Variants in NUP160 observed in about 807,000 individuals in gnomAD.
NUP160 encodes the protein nucleoporin 160, also known as nuclear pore complex protein Nup160.
NUP160 carries 94 observed loss-of-function variants against 196.9 expected under a neutral mutation model. The observed-to-expected ratio is 0.48, with a 90% CI of 0.40 to 0.57. The LOEUF is 0.57. Among genes scored for constraint, NUP160 ranks in the 20% least tolerant of loss-of-function variants. NUP160 has a pLI of 0.00. For missense variants in NUP160, 1,638 were observed against 1,748.3 expected (o/e 0.94, Z 1.13); for synonymous variants, 605 against 619.7 (o/e 0.98, Z 0.35).
intron 7 of NUP160, among the ~76,000 whole-genome samples, chr11:47,828,702 A>T (rs989406161): frequency 5.3e-5 from 8 of 152,222 alleles, no homozygotes; most frequent in African/African-American, 1.9e-4. Flanking sequence ...ACAAAGCAAG[A>T]GTAATCAAGA....
chr11:47,782,583 T>C (rs2097662069), intron 34 of NUP160, among the ~76,000 whole-genome samples: 1 of 151,520 alleles, frequency 6.6e-6, no homozygotes, highest in Non-Finnish European at 1.5e-5. Context: ...GTTGAATATC[T>C]TGTGTAATTT....
chr11:47,824,052 T>TATATATATACAC (rs1391609379), intron 7 of NUP160, among the ~76,000 whole-genome samples: 4 of 93,798 alleles, frequency 4.3e-5, no homozygotes, highest in Non-Finnish European at 8.0e-5. Context: ...TATATATATA[T>TATATATATACAC]ACACACACAC....
intron 2 of NUP160, among the ~76,000 whole-genome samples, chr11:47,843,658 A>T (rs1852347938): frequency 6.6e-6 from 1 of 152,342 alleles, no homozygotes; most frequent in Non-Finnish European, 1.5e-5. Context: ...TGCTATTGCT[A>T]TGCAGAGGGT....
At chr11:47,794,180 C>T (rs138150619) in intron 27 of NUP160, among the ~76,000 whole-genome samples, 1 of 152,176 alleles carries the variant, frequency 6.6e-6, no homozygotes, top group Non-Finnish European at 1.5e-5. Context: ...GCACTTAACA[C>T]TCCCAAACTG....
At chr11:47,817,508 G>A (rs543468513) in intron 11 of NUP160, among the ~76,000 whole-genome samples, 3 of 151,988 alleles carry the variant, frequency 2.0e-5, no homozygotes, top group South Asian at 2.1e-4. Context: ...CACCACGCCC[G>A]GCTAATTTTT....
intron 23 of NUP160, among the ~76,000 whole-genome samples, chr11:47,800,215 C>A (rs2097673395): frequency 6.8e-6 from 1 of 147,880 alleles, no homozygotes; most frequent in Non-Finnish European, 1.5e-5. Flanking sequence ...GATCGCACTA[C>A]TGCACTGGGC....
chr11:47,839,105 T>A (rs1349674291), intron 4 of NUP160, among the ~76,000 whole-genome samples: 1 of 152,108 alleles, frequency 6.6e-6, no homozygotes, highest in Non-Finnish European at 1.5e-5. Context: ...GGGTTTTTCT[T>A]TTTGAGATGG....
intron 17 of NUP160, among the ~76,000 whole-genome samples, chr11:47,809,868 G>GT (rs2097680129): frequency 1.3e-5 from 2 of 150,824 alleles, no homozygotes; most frequent in Admixed American, 6.6e-5. Context: ...ATACTATGTA[G>GT]TTTATTTAAA....
chr11:47,837,384 C>G (rs1379990489), intron 5 of NUP160, among the ~76,000 whole-genome samples, 161 bp downstream of exon 5: 1 of 152,170 alleles, frequency 6.6e-6, no homozygotes, highest in Admixed American at 6.5e-5. Flanking sequence ...GAAAGGGACT[C>G]GGGAGTGTGG....
chr11:47,788,424 T>G, intron 30 of NUP160, 77 bp downstream of exon 30: 1 of 1,528,874 alleles, frequency 6.5e-7, no homozygotes, highest in Non-Finnish European at 9.0e-7. Flanking sequence ...CCATCTACCA[T>G]GCTACATACA....
rs2097662520 is a variant in NUP160 at position 47,783,196 on chromosome 11, C to G, written c.3993G>C (p.Lys1331Asn). Reference sequence around the variant, plus strand: ...AACGAAGCAATTCAGCAGCATCAACCTTCTGTGAAAAGTCAGTGATTAAGA... The same window carrying G: ...AACGAAGCAATTCAGCAGCATCAACGTTCTGTGAAAAGTCAGTGATTAAGA... The change falls in exon 34 of 36, where the codon AAG becomes AAC. Residue 1331 changes from lysine (K) to asparagine (N), a missense_variant and splice_region_variant. Around this residue, in one of 3 missense-constraint regions of NUP160, gnomAD observed 1,345 missense variants for 1,470.2 expected, o/e 0.91. Coordinates refer to ENST00000378460, the Ensembl canonical transcript of NUP160. The G allele has an allele frequency of 6.2e-7, 1 of 1,613,046 alleles. No homozygotes were observed. Among genetic ancestry groups the G allele is most frequent in the Non-Finnish European group, 8.5e-7 (1 of 1,179,620 alleles).
chr11:47,807,160 G>A lies in NUP160; in HGVS notation c.2376-20C>T. 1.3e-6 allele frequency: 2 copies of A among 1,518,704 alleles called. No individual in the cohort carries two copies. Among genetic ancestry groups the A allele is most frequent in the Non-Finnish European group, 1.8e-6 (2 of 1,094,380 alleles). 94.1% of individuals were successfully genotyped at this position (1,518,704 alleles called of 1,614,324 possible). Reference sequence around the variant, plus strand: ...GACTCCCTGTGAGAAAAGGGGAAAAGACAGCTTAGTAAATTCTCCTATGCT... The same window carrying A: ...GACTCCCTGTGAGAAAAGGGGAAAAAACAGCTTAGTAAATTCTCCTATGCT... On this transcript the variant is annotated intron_variant, in intron 18 of 35. Transcript: ENST00000378460.
chr11:47,808,590 T>G, intron 17 of NUP160, 61 bp from the exon 18 acceptor site: 2 of 1,401,930 alleles, frequency 1.4e-6, no homozygotes, highest in Non-Finnish European at 2.0e-6. Flanking sequence ...TGGTAACTCT[T>G]ACGGCTCAGG....
At chr11:47,798,020 T>C (rs771327406) in exon 26 of NUP160, 6 of 1,581,120 alleles carry the variant, frequency 3.8e-6, no homozygotes, top group South Asian at 1.1e-5. Context: ...CAAGATCCTG[T>C]AGCTGTGAGC....
intron 7 of NUP160, among the ~76,000 whole-genome samples, chr11:47,825,038 T>A (rs1851940387): frequency 6.6e-6 from 1 of 152,122 alleles, no homozygotes; most frequent in African/African-American, 2.4e-5. Context: ...GGTTTCCCTG[T>A]GTTAGACAGG....
In NUP160 at chr11:47,784,659, T is replaced by G. The variant is rs139094785; in HGVS notation, c.3990+263A>C. On this transcript the variant is annotated intron_variant, in intron 33 of 35. Coordinates refer to ENST00000378460, the Ensembl canonical transcript of NUP160. ...TGAAAAGCTTCCCAAAGTACGTAAG[T>G]CAATATGTTCCCATAAGTTATCACC... 4.4e-4 allele frequency: 103 copies of G among 232,308 alleles called. No homozygotes were observed. The East Asian group carries it at 7.3e-3, about 17-fold the overall frequency. The allele number at this position is 232,308 out of a possible 1,614,324, so 14.4% of individuals were successfully genotyped here.
Position 47,799,900 on chromosome 11 carries a change from C to T in NUP160, c.2896-1437G>A, listed in dbSNP as rs970987310. 2.8e-4 allele frequency among the ~76,000 whole-genome samples: 43 copies of T among 152,272 alleles called. No homozygotes were observed. In the Middle Eastern group the frequency reaches 0.01, roughly 36 times the overall value. Reference sequence around the variant, plus strand: ...GTGACATCATAGCCACCGCATGTATCGCTCACGTGTTTGTGGTGATGCTGG... The same window carrying T: ...GTGACATCATAGCCACCGCATGTATTGCTCACGTGTTTGTGGTGATGCTGG... On this transcript the variant is annotated intron_variant, in intron 23 of 35. Transcript: ENST00000378460.
intron 35 of NUP160, 94 bp downstream of exon 35, chr11:47,780,249 C>T (rs2097659884): frequency 2.2e-6 from 2 of 893,662 alleles, no homozygotes. Context: ...TTTTGTCTTC[C>T]CTTTCTAATC....
rs140164104 is a variant in NUP160, at chr11:47,846,757, T to A, written c.314+1091A>T. Among the ~76,000 whole-genome samples, 796 of 152,282 alleles carry A rather than the reference T, an allele frequency of 5.2e-3. 9 individuals carry two copies. Among genetic ancestry groups the A allele is most frequent in the African/African-American group, 0.017 (713 of 41,554 alleles). ...GACTGAGATCTTCTAAAAATACATTTAAAAAAATTTAGATTCAGGGGTACA... is the reference window on the plus strand; with the variant it reads ...GACTGAGATCTTCTAAAAATACATTAAAAAAAATTTAGATTCAGGGGTACA... On this transcript the variant is annotated intron_variant, in intron 2 of 35. Transcript: ENST00000378460.
Sources: allele counts gnomAD v4.1 joint callset (sites outside exome capture counted in the v4.1 genomes callset), GRCh38; gene constraint gnomAD v4.1.1; regional missense constraint gnomAD v4.1.1; transcripts MANE v1.5; gene names NCBI Gene and HGNC (gene_info 2026-07-23, HGNC 2026-07-21).